GLG1: variants seen among roughly 807,000 people sequenced by gnomAD.
GLG1 encodes Golgi apparatus protein 1.
A neutral mutation model predicts 160.5 loss-of-function variants in GLG1; 38 were observed. The ratio of observed to expected loss-of-function variants is 0.24; its 90% CI spans 0.18 to 0.31. The LOEUF (loss-of-function observed/expected upper bound fraction) is 0.31. Ranked by LOEUF, GLG1 falls within the 10% of genes least tolerant of loss-of-function variation. The probability of loss-of-function intolerance (pLI) is 1.00; values close to 1 mark genes in which losing one functional copy is unlikely to be tolerated. For missense variants in GLG1, 1,373 were observed against 1,505.2 expected (o/e 0.91, Z 1.45); for synonymous variants, 644 against 543.4 (o/e 1.19, Z -2.57).
chr16:74,583,577 A>G, intron 1 of GLG1, among the ~76,000 whole-genome samples: 1 of 152,138 alleles, frequency 6.6e-6, no homozygotes, highest in East Asian at 1.9e-4. Context: ...GCAGGGTTTC[A>G]CCATGTTGGC....
At chr16:74,567,438 T>C (rs1014057740) in intron 1 of GLG1, among the ~76,000 whole-genome samples, 7 of 152,102 alleles carry the variant, frequency 4.6e-5, no homozygotes, top group Non-Finnish European at 1.0e-4. Flanking sequence ...ATACAAAACA[T>C]TGGGGTTTCC....
At chr16:74,532,066 T>C in intron 2 of GLG1, 55 bp downstream of exon 2, 1 of 726,954 alleles carries the variant, frequency 1.4e-6, no homozygotes, top group Non-Finnish European at 2.2e-6. Flanking sequence ...CATCCCGAAA[T>C]CTGTCATCGT....
chr16:74,503,708 G>A lies in GLG1; in HGVS notation c.597C>T (p.Tyr199=). The A allele has an allele frequency of 6.2e-7, 1 of 1,613,166 alleles. No homozygotes were observed. The highest frequency in any genetic ancestry group is 2.2e-5 in the East Asian group (1 of 44,870). The change falls in exon 4 of 26, where the codon TAC becomes TAT. Residue 199 remains tyrosine (Y), a synonymous_variant. Transcript: ENST00000422840. ...GGTGATCCACCAAGCAGGAAACCAT[G>A]TAACCTTTTCCAACCGGTTCATCAG... ...ECADEPVGKG[Y]MVSCLVDHRG...
chr16:74,463,870 TG>T, intron 19 of GLG1: 1 of 179,284 alleles, frequency 5.6e-6, no homozygotes, highest in Non-Finnish European at 1.2e-5. Flanking sequence ...CCACCACGCC[TG>T]GCCACTTTTT....
rs758870955 is a variant in GLG1 at position 74,453,287 on chromosome 16, C to T, written c.3420G>A (p.Thr1140=). 24 of 1,613,508 alleles carry T rather than the reference C, an allele frequency of 1.5e-5. No individual in the cohort carries two copies. Among genetic ancestry groups the T allele is most frequent in the African/African-American group, 1.1e-4 (8 of 74,862 alleles). Residue 1140 remains threonine, a synonymous_variant, in exon 26 of 26, where the codon ACG becomes ACA. Coordinates refer to ENST00000422840, the MANE Select transcript of GLG1 (RefSeq NM_001145667.2). ...GFSDLAMQVM[T]SPSKNYILSV... is the part of the protein sequence containing the mutation. The stretch of plus-strand genomic sequence containing the variant: ...AGAGAATGTAGTTCTTAGATGGAGA[C>T]GTCATTACTTGCATGGCAAGATCAG...
chr16:74,517,099 C>T lies in GLG1; in HGVS notation c.472-8174G>A, dbSNP rs12446217. 0.014 allele frequency among the ~76,000 whole-genome samples: 2,129 copies of T among 152,290 alleles called. 96 individuals are homozygous for T. In the East Asian group the frequency reaches 0.16, roughly 11 times the overall value. On this transcript the variant is annotated intron_variant, in intron 2 of 25. Coordinates refer to ENST00000422840, the MANE Select transcript of GLG1 (RefSeq NM_001145667.2). ...CAAAAAAAGTCCAGGACCAGGTGGA[C>T]TCACGGCCGAATTCTACCAGAGGTA...
At chr16:74,546,106 A>T (rs1485378954) in intron 1 of GLG1, among the ~76,000 whole-genome samples, 2 of 152,194 alleles carry the variant, frequency 1.3e-5, no homozygotes, top group East Asian at 3.8e-4. Context: ...AAATCTTCAT[A>T]ATCATAATTA....
At chr16:74,464,573 TAA>T (rs1383539290) in intron 19 of GLG1, among the ~76,000 whole-genome samples, 1 of 152,232 alleles carries the variant, frequency 6.6e-6, no homozygotes, top group African/African-American at 2.4e-5. Flanking sequence ...TCTAGTTCTC[TAA>T]AGAGTGTGAT....
intron 8 of GLG1, among the ~76,000 whole-genome samples, chr16:74,487,253 T>C (rs1021687976): frequency 6.6e-6 from 1 of 152,066 alleles, no homozygotes; most frequent in Non-Finnish European, 1.5e-5. Flanking sequence ...AAAACTATAA[T>C]CCTTACTGGT....
intron 1 of GLG1, among the ~76,000 whole-genome samples, chr16:74,585,605 G>A (rs1002156349): frequency 7.2e-5 from 11 of 151,734 alleles, no homozygotes; most frequent in African/African-American, 2.7e-4. Flanking sequence ...CTACTCAGGA[G>A]GCTGAGGCAG....
chr16:74,500,019 T>TA (rs571578831), intron 4 of GLG1, among the ~76,000 whole-genome samples: 25 of 150,860 alleles, frequency 1.7e-4, no homozygotes, highest in Non-Finnish European at 2.5e-4. Context: ...AACACCAAAA[T>TA]AAAAAAAAAC....
At position 74,447,748 on chromosome 16, in the gene GLG1, G is replaced by C. The variant is rs1404744489; in HGVS notation, c.*5419C>G. 1 of 152,336 alleles carries C rather than the reference G, an allele frequency of 6.6e-6. No individual in the cohort carries two copies. The highest frequency in any genetic ancestry group is 1.5e-5 in the Non-Finnish European group (1 of 68,128). The allele number at this position is 152,336 out of a possible 1,614,324, so 9.4% of individuals were successfully genotyped here. A position where few individuals can be genotyped will look rare whatever the true frequency, so the allele number is the denominator to read the frequency against. The stretch of plus-strand genomic sequence containing the variant: ...TGGGAACACTGTGCTGGGGGAAGCT[G>C]CCCAGGAAGCGCTCCCGCTGCCGGC... On this transcript the variant is annotated 3_prime_UTR_variant, in exon 26 of 26. Coordinates refer to ENST00000422840, the MANE Select transcript of GLG1 (RefSeq NM_001145667.2).
chr16:74,501,910 G>T (rs1410389142), intron 4 of GLG1, among the ~76,000 whole-genome samples: 1 of 152,186 alleles, frequency 6.6e-6, no homozygotes, highest in Non-Finnish European at 1.5e-5. Context: ...CCAAGCCACA[G>T]AGTTTTTCAA....
intron 11 of GLG1, among the ~76,000 whole-genome samples, chr16:74,479,843 G>A (rs2015533856): frequency 6.6e-6 from 1 of 152,152 alleles, no homozygotes; most frequent in Non-Finnish European, 1.5e-5. Context: ...ACCAGTCCAT[G>A]GGCAGACAAT....
intron 1 of GLG1, among the ~76,000 whole-genome samples, chr16:74,553,927 T>C (rs1346117385): frequency 2.0e-5 from 3 of 152,220 alleles, no homozygotes; most frequent in Admixed American, 6.5e-5. Flanking sequence ...TTAATAGAAG[T>C]AGCTATCTGA....
intron 1 of GLG1, among the ~76,000 whole-genome samples, chr16:74,591,787 C>T (rs572584413): frequency 6.6e-6 from 1 of 152,156 alleles, no homozygotes; most frequent in South Asian, 2.1e-4. Flanking sequence ...TATTATTTTC[C>T]CTCTGAAAAG....
intron 2 of GLG1, among the ~76,000 whole-genome samples, chr16:74,531,266 C>T (rs544301557): frequency 1.3e-5 from 2 of 152,178 alleles, no homozygotes; most frequent in Admixed American, 6.5e-5. Flanking sequence ...GATAGAGTGA[C>T]TTTTGCCACA....
chr16:74,506,263 A>G (rs7189809), intron 3 of GLG1, among the ~76,000 whole-genome samples: 143,066 of 151,648 alleles, frequency 0.94, 67,701 homozygotes, highest in East Asian at 1. Context: ...AGGCCCTAAT[A>G]TTGAGCAACC....
rs927391557 is a variant in GLG1, at chr16:74,448,394, A to T, written c.*4773T>A. 6 of 152,118 alleles carry T rather than the reference A, an allele frequency of 3.9e-5. No homozygotes were observed. Among genetic ancestry groups the T allele is most frequent in the Admixed American group, 3.9e-4 (6 of 15,268 alleles). 9.4% of individuals were successfully genotyped at this position (152,118 alleles called of 1,614,324 possible). On this transcript the variant is annotated 3_prime_UTR_variant, in exon 26 of 26. Transcript: ENST00000422840. ...CAGCACCAGATGCTGCATTTTACAAAACCACTTAGGTGCTGCCCAAATGGT... is the reference window on the plus strand; with the variant it reads ...CAGCACCAGATGCTGCATTTTACAATACCACTTAGGTGCTGCCCAAATGGT...
Sources: gnomAD v4.1 joint callset for allele counts (sites outside exome capture counted in the v4.1 genomes callset) on GRCh38, gnomAD v4.1.1 for gene constraint, MANE v1.5 for transcripts, NCBI Gene and HGNC (gene_info 2026-07-23, HGNC 2026-07-21) for gene names.